LRRC20: variants seen among roughly 807,000 people sequenced by gnomAD.
The protein encoded by LRRC20 is leucine-rich repeat-containing protein 20.
In LRRC20, 11 loss-of-function variants were observed where a neutral mutation model predicts 14.4. The observed-to-expected ratio is 0.77, with a 90% CI of 0.48 to 1.27. The LOEUF is 1.27. LRRC20 is among the 50% of genes most tolerant of loss of function. The probability of loss-of-function intolerance (pLI) is 0.00; values close to 1 mark genes in which losing one functional copy is unlikely to be tolerated. For synonymous variants in LRRC20, 121 were observed against 107.3 expected, an observed-to-expected ratio of 1.13 and a Z score of -0.79; for missense variants, 219 against 251.2, an observed-to-expected ratio of 0.87 and a Z score of 0.87.
chr10:70,374,526 T>C (rs189887186), intron 2 of LRRC20, among the ~76,000 whole-genome samples: 2 of 152,082 alleles, frequency 1.3e-5, no homozygotes, highest in Non-Finnish European at 2.9e-5. Context: ...ATTTTTTGAA[T>C]TTTTAGTATG....
At chr10:70,367,466 T>C (rs1216667954) in intron 2 of LRRC20, among the ~76,000 whole-genome samples, 1 of 152,106 alleles carries the variant, frequency 6.6e-6, no homozygotes, top group Non-Finnish European at 1.5e-5. Context: ...CTTCAGCAGA[T>C]GAAAGGATAA....
At position 70,324,002 on chromosome 10, in the gene LRRC20, G is replaced by C; in HGVS notation, c.261C>G (p.His87Gln). 6.2e-7 allele frequency: 1 copy of C among 1,614,132 alleles called. No individual in the cohort carries two copies. Among genetic ancestry groups the C allele is most frequent in the South Asian group, 1.1e-5 (1 of 91,092 alleles). Residue 87 changes from histidine to glutamine, a missense_variant, in exon 4 of 5, where the codon CAC (histidine) becomes CAG (glutamine). Transcript: ENST00000446961. ...RELHLEGNFL[H>Q]RLPSEVSALQ... The stretch of plus-strand genomic sequence containing the variant: ...GGGCACTGACCTCGCTGGGGAGGCG[G>C]TGTAGGAAGTTCCCCTCCAGGTGGA...
In LRRC20 at chr10:70,331,831, C is replaced by T. The variant is rs142698955; in HGVS notation, c.233-7801G>A. ...ATTAAACCTACTGAACTGTGGTTTC[C>T]GGTGTCTGTTAAATGGACCTCTTCT... On this transcript the variant is annotated intron_variant, in intron 3 of 4. Transcript: ENST00000446961. Among the ~76,000 whole-genome samples the T allele has an allele frequency of 2.3e-3, 352 of 152,274 alleles. 3 individuals carry two copies. The highest frequency in any genetic ancestry group is 7.9e-3 in the African/African-American group (330 of 41,546).
intron 2 of LRRC20, among the ~76,000 whole-genome samples, chr10:70,369,013 T>A (rs572651278): frequency 3.0e-4 from 46 of 152,350 alleles, no homozygotes; most frequent in African/African-American, 1.1e-3. Context: ...GTGAAGGAAC[T>A]GACAGAGGGA....
rs111450149 is a variant in LRRC20, at chr10:70,360,062, C to T, written c.82+16390G>A. 1.8e-3 allele frequency among the ~76,000 whole-genome samples: 273 copies of T among 151,738 alleles called. 1 individual carries two copies. Among genetic ancestry groups the T allele is most frequent in the African/African-American group, 6.2e-3 (258 of 41,374 alleles). ...TCCCGAGTAGCTGGGATTACAGGTG[C>T]CCACCACCACACCCGGCTAATTTTT... On this transcript the variant is annotated intron_variant, in intron 2 of 4. Transcript: ENST00000446961.
chr10:70,308,785 G>A (rs960520569), intron 4 of LRRC20, among the ~76,000 whole-genome samples: 5 of 152,162 alleles, frequency 3.3e-5, no homozygotes, highest in South Asian at 2.1e-4. Context: ...ATAAGCAGAC[G>A]TGACTCCTCG....
At chr10:70,333,615 G>C (rs1842618417) in intron 3 of LRRC20, among the ~76,000 whole-genome samples, 1 of 152,166 alleles carries the variant, frequency 6.6e-6, no homozygotes, top group East Asian at 1.9e-4. Context: ...AGCCATGCAG[G>C]GGTCACAAAC....
rs112185053 is a variant in LRRC20 at position 70,317,910 on chromosome 10, T to C, written c.400+5953A>G. Among the ~76,000 whole-genome samples, 267 of 152,282 alleles carry C rather than the reference T, an allele frequency of 1.8e-3. 3 individuals are homozygous for C. The highest frequency in any genetic ancestry group is 2.8e-3 in the Non-Finnish European group (189 of 68,014). ...AGGCAGAGCTTTGGGTCCAGAAACATTTGTTTCGGCCAAGATTCCCTACTT... is the reference window on the plus strand; with the variant it reads ...AGGCAGAGCTTTGGGTCCAGAAACACTTGTTTCGGCCAAGATTCCCTACTT... On this transcript the variant is annotated intron_variant, in intron 4 of 4. Coordinates refer to ENST00000446961, the MANE Select transcript of LRRC20 (RefSeq NM_001278212.2).
At chr10:70,321,258 A>G (rs1486930764) in intron 4 of LRRC20, among the ~76,000 whole-genome samples, 1 of 152,232 alleles carries the variant, frequency 6.6e-6, no homozygotes, top group Non-Finnish European at 1.5e-5. Flanking sequence ...GAGCTCAGCT[A>G]CAAGTAGCGA....
chr10:70,324,156 G>A lies in LRRC20; in HGVS notation c.233-126C>T, dbSNP rs1281139920. 40 of 808,404 alleles carry A rather than the reference G, an allele frequency of 4.9e-5. No individual in the cohort carries two copies. In the Admixed American group the frequency reaches 9.2e-4, roughly 19 times the overall value. The allele number at this position is 808,404 out of a possible 1,614,324, so 50.1% of individuals were successfully genotyped here. A position where few individuals can be genotyped will look rare whatever the true frequency, so the allele number is the denominator to read the frequency against. ...GGCACAGAGGAAGCCCTAGGCCACA[G>A]AGGGAGCCCCGCACAGGGCTGATTC... On this transcript the variant is annotated intron_variant, in intron 3 of 4. Transcript: ENST00000446961.
At position 70,301,419 on chromosome 10, in the gene LRRC20, C is replaced by A; in HGVS notation, c.490G>T (p.Ala164Ser). Residue 164 changes from alanine (A) to serine (S), a missense_variant, in exon 5 of 5, where the codon GCC becomes TCC. Coordinates refer to ENST00000446961, the MANE Select transcript of LRRC20 (RefSeq NM_001278212.2). ...NPLNAEVRVI[A>S]PPLIKFDMLM... Reference sequence around the variant, plus strand: ...ATGTCAAACTTGATGAGCGGCGGGGCGATCACGCGCACCTCGGCGTTGAGT... The same window carrying A: ...ATGTCAAACTTGATGAGCGGCGGGGAGATCACGCGCACCTCGGCGTTGAGT... 2 of 1,612,932 alleles carry A rather than the reference C, an allele frequency of 1.2e-6. No individual in the cohort carries two copies. The highest frequency in any genetic ancestry group is 1.7e-6 in the Non-Finnish European group (2 of 1,179,958).
rs1389741698 is a variant in LRRC20 at position 70,304,234 on chromosome 10, C to T, written c.401-2726G>A. On this transcript the variant is annotated intron_variant, in intron 4 of 4. Coordinates refer to ENST00000446961, the MANE Select transcript of LRRC20 (RefSeq NM_001278212.2). ...CAGCCGGATCCCAGAAAACCTCCCA[C>T]CCTAGCACAGGACGGGGCCAGACCT... Among the ~76,000 whole-genome samples, 3 of 152,110 alleles carry T rather than the reference C, an allele frequency of 2.0e-5. No individual in the cohort carries two copies. In the East Asian group the frequency reaches 5.8e-4, roughly 29 times the overall value.
rs769962645 is a variant in LRRC20 at position 70,340,537 on chromosome 10, G to A, written c.232+16C>T. On this transcript the variant is annotated intron_variant, in intron 3 of 4. Transcript: ENST00000446961. ...AGCTGGCCATGCCCTCCTGGCTGGA[G>A]CTGACCAGGGCCTACCTCGGAGCTG... is the stretch of plus-strand genomic sequence containing the variant. The A allele has an allele frequency of 6.2e-7, 1 of 1,613,924 alleles. No individual in the cohort carries two copies. The highest frequency in any genetic ancestry group is 1.7e-5 in the Admixed American group (1 of 60,010).
intron 3 of LRRC20, among the ~76,000 whole-genome samples, chr10:70,336,097 C>T (rs1842718947): frequency 6.6e-6 from 1 of 152,182 alleles, no homozygotes; most frequent in Non-Finnish European, 1.5e-5. Context: ...TTCCAAATGA[C>T]ACGGCTGCTA....
chr10:70,347,264 G>C (rs73279844), intron 2 of LRRC20, among the ~76,000 whole-genome samples: 3,381 of 152,202 alleles, frequency 0.022, 79 homozygotes, highest in African/African-American at 0.053. Context: ...AGAAACACAG[G>C]AACTCTGCAT....
At chr10:70,368,157 C>T (rs866071076) in intron 2 of LRRC20, among the ~76,000 whole-genome samples, 9 of 102,800 alleles carry the variant, frequency 8.8e-5, no homozygotes, top group Middle Eastern at 6.6e-3. Flanking sequence ...CTAATTTTTG[C>T]TTTTTTTTTT....
At chr10:70,322,520 C>T (rs34198782) in intron 4 of LRRC20, among the ~76,000 whole-genome samples, 1 of 151,894 alleles carries the variant, frequency 6.6e-6, no homozygotes, top group African/African-American at 2.4e-5. Context: ...CACTTCTGGG[C>T]AGGCTCCTTC....
Position 70,301,472 on chromosome 10 carries a change from A to G in LRRC20, c.437T>C (p.Leu146Ser). The change falls in exon 5 of 5, where the codon TTG (leucine) becomes TCG (serine). Residue 146 changes from leucine to serine, a missense_variant. Coordinates refer to ENST00000446961, the MANE Select transcript of LRRC20 (RefSeq NM_001278212.2). ...PVEKLAAMPA[L>S]RSINLRFNPL... ...GTTGAAGCGGAGGTTGATGCTGCGCAAGGCTGGCATGGCGGCCAGCTTCTC... is the reference window on the plus strand; with the variant it reads ...GTTGAAGCGGAGGTTGATGCTGCGCGAGGCTGGCATGGCGGCCAGCTTCTC... 5 of 1,614,112 alleles carry G rather than the reference A, an allele frequency of 3.1e-6. No homozygotes were observed. Among genetic ancestry groups the G allele is most frequent in the Non-Finnish European group, 4.2e-6 (5 of 1,180,030 alleles).
In LRRC20 at chr10:70,321,418, G is replaced by T. The variant is rs186721614; in HGVS notation, c.400+2445C>A. On this transcript the variant is annotated intron_variant, in intron 4 of 4. Transcript: ENST00000446961. ...TGTGACCTGGCTCTCCTGCTGGTTT[G>T]GGAGTTGAGAAGCCACTCAAGTAAC... Among the ~76,000 whole-genome samples, 315 of 152,310 alleles carry T rather than the reference G, an allele frequency of 2.1e-3. 1 individual carries two copies. The highest frequency in any genetic ancestry group is 3.2e-3 in the Non-Finnish European group (218 of 68,016).
Sources: allele counts gnomAD v4.1 joint callset (sites outside exome capture counted in the v4.1 genomes callset), GRCh38; gene constraint gnomAD v4.1.1; transcripts MANE v1.5; gene names NCBI Gene and HGNC (gene_info 2026-07-23, HGNC 2026-07-21).